RAVER2: variants seen among roughly 807,000 people sequenced by gnomAD.
RAVER2 encodes the protein ribonucleoprotein, PTB binding 2.
Under a neutral mutation model 78.1 loss-of-function variants are expected in RAVER2, and 46 were observed. The ratio of observed to expected loss-of-function variants is 0.59; its 90% CI spans 0.46 to 0.75. RAVER2 has a LOEUF of 0.75. Ranked by LOEUF, RAVER2 falls within the 30% of genes least tolerant of loss-of-function variation. The pLI, the probability that RAVER2 is intolerant of heterozygous loss-of-function variation, is 0.00. For synonymous variants in RAVER2, 311 were observed against 313.3 expected (o/e 0.99, Z 0.08); for missense variants, 793 against 837.5 (o/e 0.95, Z 0.66).
intron 11 of RAVER2, among the ~76,000 whole-genome samples, chr1:64,826,695 T>C (rs1654010549): frequency 6.6e-6 from 1 of 152,166 alleles, no homozygotes; most frequent in African/African-American, 2.4e-5. Context: ...ATTTATAGTT[T>C]AACATGCCTA....
At chr1:64,819,521 A>G (rs572108873) in intron 11 of RAVER2, among the ~76,000 whole-genome samples, 85 of 152,324 alleles carry the variant, frequency 5.6e-4, no homozygotes, top group African/African-American at 2.0e-3. Context: ...ATGCATGTAA[A>G]TGGAGTCCTG....
chr1:64,778,187 A>C, intron 3 of RAVER2, 95 bp downstream of exon 3: 4 of 935,696 alleles, frequency 4.3e-6, no homozygotes, highest in Non-Finnish European at 6.2e-6. Flanking sequence ...CTGTGTGATT[A>C]ACACAATGGA....
chr1:64,782,559 T>C (rs945858248), intron 4 of RAVER2, among the ~76,000 whole-genome samples: 3 of 152,232 alleles, frequency 2.0e-5, no homozygotes, highest in Admixed American at 6.5e-5. Flanking sequence ...ATACTTGTAC[T>C]AAAATATCAT....
chr1:64,823,626 A>T (rs943565607), intron 11 of RAVER2, among the ~76,000 whole-genome samples: 2 of 152,182 alleles, frequency 1.3e-5, no homozygotes, highest in African/African-American at 4.8e-5. Flanking sequence ...TCTATTAAAC[A>T]CCTAAATCTA....
At chr1:64,804,996 C>T (rs372104609) in exon 8 of RAVER2, 63 of 1,613,450 alleles carry the variant, frequency 3.9e-5, no homozygotes, top group Admixed American at 1.2e-4. Flanking sequence ...TGTAGAAACC[C>T]GGCTTACTTG....
chr1:64,755,899 C>CTGACCCAA (rs952171288), intron 1 of RAVER2, among the ~76,000 whole-genome samples: 5 of 151,910 alleles, frequency 3.3e-5, no homozygotes, highest in African/African-American at 1.2e-4. Context: ...TTGGAGAGTG[C>CTGACCCAA]TGACCCAATG....
intron 4 of RAVER2, among the ~76,000 whole-genome samples, chr1:64,782,249 C>T (rs760220505): frequency 3.3e-5 from 5 of 152,166 alleles, no homozygotes; most frequent in Non-Finnish European, 7.3e-5. Flanking sequence ...AAATACGTGC[C>T]TTTTTGCTTA....
chr1:64,795,678 A>C (rs1206832706), intron 5 of RAVER2, among the ~76,000 whole-genome samples: 1 of 152,080 alleles, frequency 6.6e-6, no homozygotes, highest in Non-Finnish European at 1.5e-5. Flanking sequence ...AGTCTTGCTA[A>C]ACTCACTTAT....
At chr1:64,795,754 A>C (rs1055353481) in intron 5 of RAVER2, among the ~76,000 whole-genome samples, 1 of 152,030 alleles carries the variant, frequency 6.6e-6, no homozygotes, top group East Asian at 1.9e-4. Context: ...AATAAACATA[A>C]TTTTACTTCT....
In RAVER2 at chr1:64,745,657, G is replaced by C. The variant is rs942892743; in HGVS notation, c.249+236G>C. Among the ~76,000 whole-genome samples the C allele has an allele frequency of 3.3e-5, 5 of 152,128 alleles. No individual in the cohort carries two copies. The highest frequency in any genetic ancestry group is 7.4e-5 in the Non-Finnish European group (5 of 68,006). On this transcript the variant is annotated intron_variant, in intron 1 of 11. Transcript: ENST00000294428. The surrounding 1 kb of genome is among the most constrained non-coding windows in gnomAD (Gnocchi z 4.3). The stretch of plus-strand genomic sequence containing the variant: ...TGAGTGGCGAAGCGGCTTCTCCAAG[G>C]TCACGGGAATCAGGGGCTGCTGCCT...
At chr1:64,751,397 A>G (rs979352134) in intron 1 of RAVER2, among the ~76,000 whole-genome samples, 1 of 152,182 alleles carries the variant, frequency 6.6e-6, no homozygotes, top group African/African-American at 2.4e-5. Context: ...AAGCTCAGGA[A>G]GAAGGGAATT....
intron 4 of RAVER2, among the ~76,000 whole-genome samples, chr1:64,783,622 G>C (rs1652697312): frequency 6.6e-6 from 1 of 152,028 alleles, no homozygotes; most frequent in Non-Finnish European, 1.5e-5. Flanking sequence ...TAAGTTCTTT[G>C]TAGATTCTGG....
At chr1:64,786,493 T>G (rs1190915715) in intron 4 of RAVER2, among the ~76,000 whole-genome samples, 1 of 152,228 alleles carries the variant, frequency 6.6e-6, no homozygotes, top group Non-Finnish European at 1.5e-5. Context: ...ATTGGATCTT[T>G]AAGATCACTA....
At chr1:64,824,680 A>G (rs1329631527) in intron 11 of RAVER2, among the ~76,000 whole-genome samples, 2 of 152,114 alleles carry the variant, frequency 1.3e-5, no homozygotes, top group East Asian at 3.9e-4. Flanking sequence ...TTATAATCCT[A>G]GCACTTTGGG....
intron 4 of RAVER2, among the ~76,000 whole-genome samples, chr1:64,783,180 G>A (rs986040223): frequency 5.3e-5 from 8 of 152,026 alleles, no homozygotes; most frequent in African/African-American, 1.5e-4. Flanking sequence ...GAATAGTGCC[G>A]CAATAAATAT....
At position 64,757,171 on chromosome 1, in the gene RAVER2, T is replaced by C. The variant is rs78142976; in HGVS notation, c.250-11485T>C. On this transcript the variant is annotated intron_variant, in intron 1 of 11. Coordinates refer to ENST00000294428, the Ensembl canonical transcript of RAVER2. ...ACGTGTCCCCAGCATTCACTGAGTA[T>C]GTCCTTTGTTTTCAACACAACAGGA... Among the ~76,000 whole-genome samples the C allele has an allele frequency of 3.5e-3, 527 of 152,364 alleles. 7 individuals are homozygous for C. Among genetic ancestry groups the C allele is most frequent in the African/African-American group, 0.012 (490 of 41,584 alleles).
At chr1:64,818,630 G>A (rs975542627) in intron 11 of RAVER2, among the ~76,000 whole-genome samples, 3 of 152,184 alleles carry the variant, frequency 2.0e-5, no homozygotes, top group African/African-American at 7.2e-5. Context: ...GCAGAAACGG[G>A]AGAATTATTC....
chr1:64,780,144 G>T (rs1471147123), intron 3 of RAVER2, among the ~76,000 whole-genome samples: 1 of 151,932 alleles, frequency 6.6e-6, no homozygotes, highest in African/African-American at 2.4e-5. Context: ...TTTATCAGTG[G>T]GTCTGTTAAC....
intron 5 of RAVER2, among the ~76,000 whole-genome samples, chr1:64,801,597 C>T (rs939186648): frequency 1.3e-5 from 2 of 150,454 alleles, no homozygotes; most frequent in African/African-American, 2.5e-5. Flanking sequence ...AGGCCGGGCG[C>T]GGTGGCTCAC....
Sources: gnomAD v4.1 joint callset for allele counts (sites outside exome capture counted in the v4.1 genomes callset) on GRCh38, gnomAD v4.1.1 for gene constraint, Gnocchi (gnomAD v3.1) non-coding constraint, MANE v1.5 for transcripts, NCBI Gene and HGNC (gene_info 2026-07-23, HGNC 2026-07-21) for gene names.